The following NTN1 variants were observed in gnomAD, a reference collection of about 807,000 sequenced individuals.
NTN1 encodes the protein netrin-1.
In NTN1, 11 loss-of-function variants were observed where a neutral mutation model predicts 54.2. The ratio of observed to expected loss-of-function variants is 0.20; its 90% CI spans 0.13 to 0.34. NTN1 has a LOEUF of 0.34. NTN1 is among the 10% of genes least tolerant of loss of function. NTN1 has a pLI of 1.00. For missense variants in NTN1, 740 were observed against 893.1 expected (o/e 0.83, Z 2.18); for synonymous variants, 371 against 382.0 (o/e 0.97, Z 0.33).
intron 3 of NTN1, chr17:9,171,775 G>A (rs921174744): frequency 3.6e-4 from 55 of 152,388 alleles, no homozygotes; most frequent in African/African-American, 1.3e-3. Context: ...GAGGGAGGAA[G>A]GGGTGGGAAG....
At position 9,132,656 on chromosome 17, in the gene NTN1, C is replaced by T. The variant is rs553923016; in HGVS notation, c.1019-30157C>T. Reference sequence around the variant, plus strand: ...TTGGGGGGCTGAGGCAGGCGGATCACCTGAGGTTGGGAGTTCAAGACCAGC... The same window carrying T: ...TTGGGGGGCTGAGGCAGGCGGATCATCTGAGGTTGGGAGTTCAAGACCAGC... On this transcript the variant is annotated intron_variant, in intron 2 of 6. Transcript: ENST00000173229. Among the ~76,000 whole-genome samples the T allele has an allele frequency of 5.3e-5, 8 of 152,244 alleles. No homozygotes were observed. In the South Asian group the frequency reaches 1.5e-3, roughly 28 times the overall value.
chr17:9,105,175 C>A (rs184273316), intron 2 of NTN1, among the ~76,000 whole-genome samples: 128 of 152,310 alleles, frequency 8.4e-4, no homozygotes, highest in Middle Eastern at 6.8e-3. Context: ...TGACACCTGG[C>A]CTTTAGGAAG....
chr17:9,179,889 G>C lies in NTN1; in HGVS notation c.1290G>C (p.Thr430=), dbSNP rs1014499318. The change falls in exon 4 of 7, where the codon ACG becomes ACC. Residue 430 remains threonine (T), a synonymous_variant. Transcript: ENST00000173229. ...AGTGTCCCTGCAAGGACGGCGTGACGGGTATCACCTGCAACCGCTGCGCCA... is the reference window on the plus strand; with the variant it reads ...AGTGTCCCTGCAAGGACGGCGTGACCGGTATCACCTGCAACCGCTGCGCCA... ...TGQCPCKDGV[T]GITCNRCAKG... 6.2e-7 allele frequency: 1 copy of C among 1,614,070 alleles called. No individual in the cohort carries two copies. Among genetic ancestry groups the C allele is most frequent in the Non-Finnish European group, 8.5e-7 (1 of 1,180,026 alleles).
intron 6 of NTN1, among the ~76,000 whole-genome samples, chr17:9,229,016 CTG>C (rs367916973): frequency 0.063 from 3,596 of 57,470 alleles, 132 homozygotes; most frequent in African/African-American, 0.22. Flanking sequence ...GTAAGTGTGA[CTG>C]TGTGAGACTG....
intron 2 of NTN1, among the ~76,000 whole-genome samples, chr17:9,123,998 T>G (rs1191939112): frequency 6.6e-6 from 1 of 152,166 alleles, no homozygotes; most frequent in Non-Finnish European, 1.5e-5. Flanking sequence ...GATCCTGAAG[T>G]GATGCTGTCT....
In NTN1 at chr17:9,241,468, GCT is replaced by G. The variant is rs929255336; in HGVS notation, c.*1505_*1506del. On this transcript the variant is annotated 3_prime_UTR_variant, in exon 7 of 7. Coordinates refer to ENST00000173229, the MANE Select transcript of NTN1 (RefSeq NM_004822.3). Reference sequence around the variant, plus strand: ...GCCTCCTGGCTCCCTGCCTTCCTGGGCTCTCTGCACTGCCCGGGCCTCTGGCC... The same window carrying G: ...GCCTCCTGGCTCCCTGCCTTCCTGGGCTCTGCACTGCCCGGGCCTCTGGCC... 2.6e-5 allele frequency: 4 copies of G among 153,284 alleles called. No individual in the cohort carries two copies. Among genetic ancestry groups the G allele is most frequent in the African/African-American group, 7.2e-5 (3 of 41,454 alleles). The allele number at this position is 153,284 out of a possible 1,614,324, so 9.5% of individuals were successfully genotyped here.
chr17:9,089,837 A>G (rs950542150), intron 2 of NTN1, among the ~76,000 whole-genome samples: 38 of 152,152 alleles, frequency 2.5e-4, no homozygotes, highest in African/African-American at 8.4e-4. Flanking sequence ...GGCTCCTGCT[A>G]CCGACCTCCT....
the NTN1 span, among the ~76,000 whole-genome samples, chr17:9,006,173 CG>C: frequency 9.2e-5 from 2 of 21,648 alleles, no homozygotes; most frequent in Admixed American, 1.1e-3. Context: ...CCATCAGGTA[CG>C]GGGGTGGTGG....
At chr17:9,107,614 G>T (rs2092172022) in intron 2 of NTN1, among the ~76,000 whole-genome samples, 1 of 152,204 alleles carries the variant, frequency 6.6e-6, no homozygotes, top group Non-Finnish European at 1.5e-5. Flanking sequence ...GGACATTCTG[G>T]TAATTGTTTT....
chr17:9,142,895 G>A (rs968255396), intron 2 of NTN1, among the ~76,000 whole-genome samples: 5 of 152,194 alleles, frequency 3.3e-5, no homozygotes, highest in East Asian at 1.9e-4. Flanking sequence ...TGTAAAGTCC[G>A]TGTCTGCTGT....
At chr17:9,145,700 T>C (rs927257447) in intron 2 of NTN1, among the ~76,000 whole-genome samples, 41 of 152,294 alleles carry the variant, frequency 2.7e-4, no homozygotes, top group African/African-American at 9.9e-4. Context: ...GTGGATCACC[T>C]GAGGCCAGGA....
At position 9,239,064 on chromosome 17, in the gene NTN1, G is replaced by C. The variant is rs1906094346; in HGVS notation, c.1487-576G>C. ...CACCTGGTAGGGATGGCTTAGGCGT[G>C]GGAAGCGGCAGTCCAAGGTTCCCGG... is the stretch of plus-strand genomic sequence containing the variant. On this transcript the variant is annotated intron_variant, in intron 6 of 6. Transcript: ENST00000173229. The surrounding 1 kb of genome is among the most constrained non-coding windows in gnomAD (Gnocchi z 5.2). Among the ~76,000 whole-genome samples the C allele has an allele frequency of 6.6e-6, 1 of 152,198 alleles. No homozygotes were observed. Among genetic ancestry groups the C allele is most frequent in the South Asian group, 2.1e-4 (1 of 4,824 alleles).
intron 2 of NTN1, among the ~76,000 whole-genome samples, chr17:9,091,616 G>A (rs1365049905): frequency 6.6e-6 from 1 of 151,986 alleles, no homozygotes; most frequent in Non-Finnish European, 1.5e-5. Flanking sequence ...ACCACGCCCG[G>A]CTGATTTTGT....
Position 9,028,957 on chromosome 17 carries a change from A to G in NTN1, c.1018+5566A>G, listed in dbSNP as rs535179207. Among the ~76,000 whole-genome samples the G allele has an allele frequency of 2.0e-4, 30 of 152,018 alleles. 1 individual carries two copies. The South Asian group carries it at 6.3e-3, about 32-fold the overall frequency. On this transcript the variant is annotated intron_variant, in intron 2 of 6. Coordinates refer to ENST00000173229, the MANE Select transcript of NTN1 (RefSeq NM_004822.3). ...ATATTTTTTTTTTCATCCTTTCAGA[A>G]GGTGTTAATCATACCTTGGGTTTCT...
At chr17:9,067,333 T>C (rs1324991257) in intron 2 of NTN1, among the ~76,000 whole-genome samples, 1 of 151,914 alleles carries the variant, frequency 6.6e-6, no homozygotes, top group Non-Finnish European at 1.5e-5. Context: ...GGCTATTAAA[T>C]ACAGCTTCAA....
At chr17:9,138,212 A>G (rs1017454388) in intron 2 of NTN1, among the ~76,000 whole-genome samples, 1 of 152,220 alleles carries the variant, frequency 6.6e-6, no homozygotes, top group African/African-American at 2.4e-5. Flanking sequence ...ATCATTGCGC[A>G]GCATTTCATT....
chr17:9,019,153 C>T (rs1209608164), upstream of NTN1, among the ~76,000 whole-genome samples: 5 of 152,184 alleles, frequency 3.3e-5, no homozygotes, highest in East Asian at 1.9e-4. Flanking sequence ...ATCCTCCTCT[C>T]GACTTTGTCT....
intron 2 of NTN1, 114 bp from the exon 3 acceptor site, chr17:9,162,698 TG>T: frequency 1.0e-6 from 1 of 969,508 alleles, no homozygotes; most frequent in Non-Finnish European, 1.5e-6. Context: ...TCTGCCTGCC[TG>T]GCTCTGCTAG....
chr17:9,067,034 C>T lies in NTN1; in HGVS notation c.1018+43643C>T, dbSNP rs536281602. On this transcript the variant is annotated intron_variant, in intron 2 of 6. Transcript: ENST00000173229. The stretch of plus-strand genomic sequence containing the variant: ...AAAAAAAGGCACATTGAGCCGGAGT[C>T]GGCACTTTGGGAGGCCGAGGTGGGC... 6.0e-4 allele frequency among the ~76,000 whole-genome samples: 88 copies of T among 145,828 alleles called. 1 individual carries two copies. Among genetic ancestry groups the T allele is most frequent in the African/African-American group, 1.8e-3 (71 of 39,046 alleles).
Sources: allele counts gnomAD v4.1 joint callset (sites outside exome capture counted in the v4.1 genomes callset), GRCh38; gene constraint gnomAD v4.1.1; non-coding constraint Gnocchi (gnomAD v3.1); transcripts MANE v1.5; gene names NCBI Gene and HGNC (gene_info 2026-07-23, HGNC 2026-07-21).